ABCA13: variants seen among roughly 807,000 people sequenced by gnomAD.
ABCA13 encodes ATP binding cassette subfamily A member 13.
In ABCA13, 476 loss-of-function variants were observed where a neutral mutation model predicts 478.7. The observed-to-expected ratio is 0.99, with a 90% confidence interval of 0.92 to 1.07. ABCA13 has a LOEUF of 1.07. Among genes scored for constraint, ABCA13 ranks in the 50% least tolerant of loss-of-function variants. The pLI, the probability that ABCA13 is intolerant of heterozygous loss-of-function variation, is 0.00. For missense variants in ABCA13, 6,060 were observed against 5,910.6 expected (o/e 1.03, Z -0.83); for synonymous variants, 2,252 against 2,158.9 (o/e 1.04, Z -1.20).
At chr7:48,468,583 T>C (rs922308864) in intron 44 of ABCA13, among the ~76,000 whole-genome samples, 1 of 152,240 alleles carries the variant, frequency 6.6e-6, no homozygotes, top group African/African-American at 2.4e-5. Context: ...CTTGATTCAC[T>C]AGGACCTCAA....
At chr7:48,234,269 C>T (rs927033719) in intron 8 of ABCA13, 118 bp downstream of exon 8, 14 of 1,415,668 alleles carry the variant, frequency 9.9e-6, no homozygotes, top group East Asian at 4.6e-5. Flanking sequence ...CAGGAGAGTT[C>T]GGTCAAAACC....
At chr7:48,304,529 A>C (rs192861266) in intron 23 of ABCA13, among the ~76,000 whole-genome samples, 1 of 152,234 alleles carries the variant, frequency 6.6e-6, no homozygotes, top group African/African-American at 2.4e-5. Context: ...CTGGTGTGAG[A>C]TAGAATCTCC....
chr7:48,574,258 A>G (rs981574000), intron 55 of ABCA13, among the ~76,000 whole-genome samples: 2 of 152,152 alleles, frequency 1.3e-5, no homozygotes, highest in African/African-American at 4.8e-5. Context: ...ATTAGAATAG[A>G]TAAAATTATC....
intron 58 of ABCA13, among the ~76,000 whole-genome samples, chr7:48,599,403 GT>G (rs1239531383): frequency 6.6e-6 from 1 of 151,380 alleles, no homozygotes; most frequent in African/African-American, 2.4e-5. Context: ...TATTTTAATT[GT>G]TTTTTATCTA....
chr7:48,485,663 G>GT (rs1829225283), intron 47 of ABCA13, among the ~76,000 whole-genome samples: 1 of 152,148 alleles, frequency 6.6e-6, no homozygotes. Flanking sequence ...ATCATTTATT[G>GT]CCAAAATGAT....
intron 59 of ABCA13, chr7:48,626,614 G>C: frequency 3.0e-6 from 3 of 985,412 alleles, no homozygotes; most frequent in Non-Finnish European, 3.6e-6. Context: ...AGTTAAATAA[G>C]ACAAACTGAA....
intron 29 of ABCA13, among the ~76,000 whole-genome samples, chr7:48,348,170 C>G (rs978436273): frequency 6.6e-6 from 1 of 152,220 alleles, no homozygotes; most frequent in African/African-American, 2.4e-5. Context: ...TAGCCACCCT[C>G]TAATCCTTCC....
chr7:48,471,461 C>T, intron 44 of ABCA13, 69 bp from the exon 45 acceptor site: 1 of 1,387,054 alleles, frequency 7.2e-7, no homozygotes, highest in Non-Finnish European at 1.0e-6. Context: ...TGATGAAACT[C>T]TCTTTTATGG....
Position 48,391,963 on chromosome 7 carries a change from C to T in ABCA13, c.11697C>T (p.Ile3899=). The change falls in exon 38 of 62, where the codon ATC becomes ATT. Residue 3899 remains isoleucine (I), a synonymous_variant. Coordinates refer to ENST00000435803, the MANE Select transcript of ABCA13 (RefSeq NM_152701.5). Reference sequence around the variant, plus strand: ...TCCACCCTCCCACTTCTGGAACCATCATCATCAATGGCAAGAACCTACAGA... The same window carrying T: ...TCCACCCTCCCACTTCTGGAACCATTATCATCAATGGCAAGAACCTACAGA... ...TGLHPPTSGT[I]IINGKNLQTD... 1.9e-6 allele frequency: 3 copies of T among 1,613,978 alleles called. No individual in the cohort carries two copies. The highest frequency in any genetic ancestry group is 2.5e-6 in the Non-Finnish European group (3 of 1,179,870).
intron 32 of ABCA13, among the ~76,000 whole-genome samples, chr7:48,370,813 C>G (rs903506431): frequency 6.6e-6 from 1 of 152,026 alleles, no homozygotes; most frequent in African/African-American, 2.4e-5. Flanking sequence ...AAGGGTCACA[C>G]GTCATGGAAC....
intron 47 of ABCA13, among the ~76,000 whole-genome samples, chr7:48,486,658 A>G (rs1355141269): frequency 6.6e-6 from 1 of 152,176 alleles, no homozygotes; most frequent in Non-Finnish European, 1.5e-5. Context: ...AATGCTCTAT[A>G]ACAACAATTT....
chr7:48,545,642 ATT>A (rs1400473969), intron 55 of ABCA13, among the ~76,000 whole-genome samples: 6 of 151,712 alleles, frequency 4.0e-5, no homozygotes, highest in Non-Finnish European at 5.9e-5. Context: ...ATATAGATAA[ATT>A]AATGGCTATC....
chr7:48,256,863 G>A (rs1414715448), intron 15 of ABCA13, among the ~76,000 whole-genome samples: 1 of 152,074 alleles, frequency 6.6e-6, no homozygotes, highest in Non-Finnish European at 1.5e-5. Flanking sequence ...AATGTCATCG[G>A]TAGTTTGTTA....
chr7:48,400,069 C>T lies in ABCA13; in HGVS notation c.11874-3614C>T, dbSNP rs182123483. On this transcript the variant is annotated intron_variant, in intron 38 of 61. Transcript: ENST00000435803. ...CTTTTTTTTTTTTTTCTGGAACACA[C>T]TGTTCAAGCATCCCCACTTCACTTA... Among the ~76,000 whole-genome samples the T allele has an allele frequency of 7.3e-5, 11 of 151,220 alleles. No homozygotes were observed. The East Asian group carries it at 2.1e-3, about 29-fold the overall frequency.
At chr7:48,180,920 T>C (rs1270796890) in intron 1 of ABCA13, among the ~76,000 whole-genome samples, 1 of 149,558 alleles carries the variant, frequency 6.7e-6, no homozygotes, top group Non-Finnish European at 1.5e-5. Flanking sequence ...CAAAAGGAAA[T>C]GAAACAAACA....
chr7:48,281,981 G>A (rs1447967299), intron 19 of ABCA13, among the ~76,000 whole-genome samples: 4 of 152,120 alleles, frequency 2.6e-5, no homozygotes, highest in Non-Finnish European at 4.4e-5. Context: ...CCCTACAGCC[G>A]TGGCACTTAT....
intron 43 of ABCA13, among the ~76,000 whole-genome samples, chr7:48,463,114 TTTTGTTTTG>T (rs1826447737): frequency 4.0e-5 from 6 of 151,490 alleles, no homozygotes; most frequent in South Asian, 2.1e-4. Context: ...TTCTCTGTTT[TTTTGTTTTG>T]TTTTGTTTTG....
At chr7:48,316,885 T>A (rs1802667175) in intron 26 of ABCA13, among the ~76,000 whole-genome samples, 1 of 152,232 alleles carries the variant, frequency 6.6e-6, no homozygotes. Context: ...CTCATTACTG[T>A]GACAATGGCA....
chr7:48,248,243 G>A lies in ABCA13; in HGVS notation c.1664G>A (p.Arg555His), dbSNP rs2361519. 0.12 allele frequency: 198,675 copies of A among 1,609,660 alleles called. 13,893 individuals are homozygous for A. The highest frequency in any genetic ancestry group is 0.29 in the African/African-American group (21,376 of 74,800). ...ATATCTTCTTTTCTTGTTAAGGATC[G>A]TATTTTGCAAGAGGTCATTACTTGG... ...KLLGSVEDADRILQEVITWHK... is the reference protein window; with the variant it reads ...KLLGSVEDADHILQEVITWHK... The change falls in exon 14 of 62, where the codon CGT (arginine) becomes CAT (histidine). Residue 555 changes from arginine (R) to histidine (H), a missense_variant. Arg to His is a conservative substitution (Grantham distance 29). Coordinates refer to ENST00000435803, the MANE Select transcript of ABCA13 (RefSeq NM_152701.5).
Sources: allele counts gnomAD v4.1 joint callset (sites outside exome capture counted in the v4.1 genomes callset), GRCh38; gene constraint gnomAD v4.1.1; transcripts MANE v1.5; gene names NCBI Gene and HGNC (gene_info 2026-07-23, HGNC 2026-07-21).